ZNF230: variants seen among roughly 807,000 people sequenced by gnomAD.
The protein encoded by ZNF230 is zinc finger protein FDZF2.
ZNF230 carries 12 observed loss-of-function variants against 10.0 expected under a neutral mutation model. The observed-to-expected ratio is 1.20, with a 90% CI of 0.77 to 1.95. The LOEUF (loss-of-function observed/expected upper bound fraction) is 1.95, where lower values mean the gene tolerates loss of function less well. Ranked by LOEUF, ZNF230 falls within the 30% of genes most tolerant of loss-of-function variation. ZNF230 has a pLI of 0.00. For synonymous variants in ZNF230, 174 were observed against 193.6 expected (o/e 0.90, Z 0.84); for missense variants, 532 against 565.8 (o/e 0.94, Z 0.61).
intron 1 of ZNF230, among the ~76,000 whole-genome samples, chr19:44,005,619 T>G (rs1392537169): frequency 1.3e-5 from 2 of 152,224 alleles, no homozygotes; most frequent in Admixed American, 6.5e-5. Context: ...CCAGGCACAG[T>G]GGCTCATGCC....
At chr19:44,004,704 C>G (rs1338202642) in intron 1 of ZNF230, 2 of 142,436 alleles carry the variant, frequency 1.4e-5, no homozygotes, top group Non-Finnish European at 3.0e-5. Flanking sequence ...TGCACTCCAG[C>G]CTGGGCAACA....
intron 1 of ZNF230, among the ~76,000 whole-genome samples, chr19:44,005,642 A>C (rs1428607882): frequency 6.6e-6 from 1 of 152,160 alleles, no homozygotes; most frequent in Admixed American, 6.5e-5. Flanking sequence ...TAATCCCAGC[A>C]TTTTGGGAGG....
Position 44,012,255 on chromosome 19 carries a change from G to T in ZNF230, c.*791G>T, listed in dbSNP as rs1976193628. 2.5e-6 allele frequency: 1 copy of T among 397,952 alleles called. No homozygotes were observed. The allele number at this position is 397,952 out of a possible 1,614,324, so 24.7% of individuals were successfully genotyped here. The stretch of plus-strand genomic sequence containing the variant: ...GTTGGACAGAATCCTTAGTAATGAG[G>T]TGTGTGATAAAGTCTCTGCTCAGTT... On this transcript the variant is annotated 3_prime_UTR_variant, in exon 5 of 5. Coordinates refer to ENST00000429154, the MANE Select transcript of ZNF230 (RefSeq NM_006300.4).
intron 4 of ZNF230, among the ~76,000 whole-genome samples, chr19:44,009,558 G>C (rs1201195204): frequency 6.6e-6 from 1 of 152,112 alleles, no homozygotes; most frequent in Non-Finnish European, 1.5e-5. Flanking sequence ...TGTCCTCCCT[G>C]CTGTTACTCT....
In ZNF230 at chr19:44,012,169, A is replaced by G. The variant is rs1976192539; in HGVS notation, c.*705A>G. On this transcript the variant is annotated 3_prime_UTR_variant, in exon 5 of 5. Transcript: ENST00000429154. ...AGAGCAAAACTATGGAAGTGTGGCT[A>G]GGGTGATATGGCTTCATACCACCTC... is the stretch of plus-strand genomic sequence containing the variant. 3.2e-6 allele frequency: 1 copy of G among 315,264 alleles called. No individual in the cohort carries two copies. Among genetic ancestry groups the G allele is most frequent in the African/African-American group, 2.2e-5 (1 of 44,896 alleles). The allele number at this position is 315,264 out of a possible 1,614,324, so 19.5% of individuals were successfully genotyped here.
chr19:44,008,957 G>A, intron 3 of ZNF230, 41 bp downstream of exon 3: 1 of 1,610,040 alleles, frequency 6.2e-7, no homozygotes, highest in Admixed American at 1.7e-5. Flanking sequence ...TCAGGCCTCA[G>A]GAGTGGCTTT....
At chr19:44,009,365 G>A in intron 4 of ZNF230, 195 bp downstream of exon 4, 1 of 623,576 alleles carries the variant, frequency 1.6e-6, no homozygotes, top group Middle Eastern at 2.6e-4. Context: ...CAGCCAAAAT[G>A]ATCCTTGGGA....
At chr19:44,009,290 A>G (rs1172306022) in intron 4 of ZNF230, 120 bp downstream of exon 4, 1 of 1,132,130 alleles carries the variant, frequency 8.8e-7, no homozygotes, top group South Asian at 1.5e-5. Context: ...CTGGTTTATT[A>G]CAACCCCTTT....
Position 44,010,724 on chromosome 19 carries a change from T to C in ZNF230, c.685T>C (p.Cys229Arg). Residue 229 changes from cysteine (C) to arginine (R), a missense_variant, in exon 5 of 5, where the codon TGT becomes CGT. Transcript: ENST00000429154. ...TGEKPFKCEQ[C>R]GKGFRCRAIL... ...AGAGAAACCATTCAAATGTGAGCAA[T>C]GTGGGAAAGGCTTCAGATGTAGAGC... 1.2e-6 allele frequency: 2 copies of C among 1,614,182 alleles called. No individual in the cohort carries two copies. Among genetic ancestry groups the C allele is most frequent in the Non-Finnish European group, 1.7e-6 (2 of 1,180,030 alleles).
intron 1 of ZNF230, chr19:44,004,214 A>G (rs1976098140): frequency 6.6e-6 from 1 of 152,246 alleles, no homozygotes; most frequent in Non-Finnish European, 1.5e-5. Context: ...ATCATTGTGG[A>G]AAAGTCTGAA....
chr19:44,003,686 C>T (rs1337625977), intron 1 of ZNF230: 1 of 216,606 alleles, frequency 4.6e-6, no homozygotes, highest in Non-Finnish European at 1.0e-5. Flanking sequence ...CTTCCCCAGC[C>T]TGACCTTTCT....
chr19:44,011,273 A>C lies in ZNF230; in HGVS notation c.1234A>C (p.Lys412Gln). The C allele has an allele frequency of 6.2e-7, 1 of 1,614,136 alleles. No homozygotes were observed. The highest frequency in any genetic ancestry group is 1.6e-4 in the Middle Eastern group (1 of 6,062). The change falls in exon 5 of 5, where the codon AAA becomes CAA. Residue 412 changes from lysine to glutamine, a missense_variant. Transcript: ENST00000429154. ...GGCTTCAAGTATTTTGAATCATAAG[A>C]AACTCCACTGCCGGAAAAAACCCTT... is the stretch of plus-strand genomic sequence containing the variant. ...SRASSILNHKKLHCRKKPFKC... is the reference protein window; with the variant it reads ...SRASSILNHKQLHCRKKPFKC...
intron 1 of ZNF230, among the ~76,000 whole-genome samples, chr19:44,005,932 C>T (rs1289414013): frequency 1.3e-5 from 2 of 152,146 alleles, no homozygotes; most frequent in Non-Finnish European, 2.9e-5. Context: ...TCCCCTACCC[C>T]ACCCTTCACC....
At chr19:44,009,770 C>T (rs1424769436) in intron 4 of ZNF230, among the ~76,000 whole-genome samples, 1 of 152,216 alleles carries the variant, frequency 6.6e-6, no homozygotes, top group Non-Finnish European at 1.5e-5. Context: ...AACAAAGACA[C>T]TGTCCTCCCG....
At position 44,012,794 on chromosome 19, in the gene ZNF230, G is replaced by T. The variant is rs1272769493; in HGVS notation, c.*1330G>T. 4.7e-6 allele frequency: 1 copy of T among 212,464 alleles called. No individual in the cohort carries two copies. The highest frequency in any genetic ancestry group is 6.3e-5 in the South Asian group (1 of 15,804). 13.2% of individuals were successfully genotyped at this position (212,464 alleles called of 1,614,324 possible). A position where few individuals can be genotyped will look rare whatever the true frequency, so the allele number is the denominator to read the frequency against. The stretch of plus-strand genomic sequence containing the variant: ...TACAAAAAATAATTCAGGGACACGA[G>T]TTAAAATGCAGAATACACTCAGTTC... On this transcript the variant is annotated 3_prime_UTR_variant, in exon 5 of 5. Coordinates refer to ENST00000429154, the MANE Select transcript of ZNF230 (RefSeq NM_006300.4).
rs761437578 is a variant in ZNF230, at chr19:44,009,094, AT to A, written c.155del (p.Phe52SerfsTer7). 4 of 1,614,208 alleles carry A rather than the reference AT, an allele frequency of 2.5e-6. No individual in the cohort carries two copies. Among genetic ancestry groups the A allele is most frequent in the Non-Finnish European group, 3.4e-6 (4 of 1,180,020 alleles). ...TTTGCATGTTCACAGGGCATCAACC[AT>A]TCCACCCTTTCCACTTCCTAAGGGA... is the stretch of plus-strand genomic sequence containing the variant. ...TNLLSVGHQP[F>X]HPFHFLREEK... On this transcript the variant is annotated frameshift_variant, in exon 4 of 5. Transcript: ENST00000429154. LOFTEE classifies it high-confidence loss of function.
At chr19:44,007,391 G>A (rs1394605630) in intron 2 of ZNF230, among the ~76,000 whole-genome samples, 1 of 152,094 alleles carries the variant, frequency 6.6e-6, no homozygotes, top group Admixed American at 6.6e-5. Flanking sequence ...GCTGTTCCTT[G>A]TACATTCATA....
At chr19:44,007,543 C>T (rs1051552470) in intron 2 of ZNF230, among the ~76,000 whole-genome samples, 3 of 152,152 alleles carry the variant, frequency 2.0e-5, no homozygotes, top group African/African-American at 7.2e-5. Context: ...CGCATGTTGG[C>T]TCCATTTCTC....
Position 44,012,284 on chromosome 19 carries a change from T to TATA in ZNF230, c.*823_*825dup, listed in dbSNP as rs1227705249. 2.2e-6 allele frequency: 1 copy of TATA among 457,592 alleles called. No individual in the cohort carries two copies. The highest frequency in any genetic ancestry group is 4.3e-6 in the Non-Finnish European group (1 of 231,270). 28.3% of individuals were successfully genotyped at this position (457,592 alleles called of 1,614,324 possible). ...GTGATAAAGTCTCTGCTCAGTTGTC[T>TATA]ATAATCTCATTTGAGAGTTCACAAA... is the stretch of plus-strand genomic sequence containing the variant. On this transcript the variant is annotated 3_prime_UTR_variant, in exon 5 of 5. Coordinates refer to ENST00000429154, the MANE Select transcript of ZNF230 (RefSeq NM_006300.4).
Sources: allele counts gnomAD v4.1 joint callset (sites outside exome capture counted in the v4.1 genomes callset), GRCh38; gene constraint gnomAD v4.1.1; transcripts MANE v1.5; gene names NCBI Gene and HGNC (gene_info 2026-07-23, HGNC 2026-07-21).